Variants in ALG5 observed in about 807,000 individuals in gnomAD.
ALG5 encodes the protein dolichyl-phosphate beta-glucosyltransferase.
In ALG5, 26 loss-of-function variants were observed where a neutral mutation model predicts 51.8. The observed-to-expected ratio is 0.50, with a 90% CI of 0.37 to 0.70. The LOEUF (loss-of-function observed/expected upper bound fraction) is 0.70, where lower values mean the gene tolerates loss of function less well. ALG5 is among the 30% of genes least tolerant of loss of function. The probability of loss-of-function intolerance (pLI) is 0.00; values close to 1 mark genes in which losing one functional copy is unlikely to be tolerated. For missense variants in ALG5, 311 were observed against 399.3 expected (o/e 0.78, Z 1.88); for synonymous variants, 141 against 136.1 (o/e 1.04, Z -0.25).
intron 6 of ALG5, among the ~76,000 whole-genome samples, chr13:36,982,571 T>C (rs1040617498): frequency 6.6e-6 from 1 of 152,210 alleles, no homozygotes; most frequent in African/African-American, 2.4e-5. Flanking sequence ...AGCTGAAATA[T>C]TTACTATATG....
At chr13:36,956,682 G>A (rs945473456) in intron 8 of ALG5, among the ~76,000 whole-genome samples, 2 of 152,078 alleles carry the variant, frequency 1.3e-5, no homozygotes, top group African/African-American at 4.8e-5. Context: ...CCCCTTGTAT[G>A]GGAACTCTGT....
intron 7 of ALG5, among the ~76,000 whole-genome samples, chr13:36,970,278 TAGAA>T (rs1222621303): frequency 6.6e-6 from 1 of 151,980 alleles, no homozygotes; most frequent in Non-Finnish European, 1.5e-5. Flanking sequence ...CTAGGATACA[TAGAA>T]TACTAGACTA....
chr13:36,984,715 G>C (rs543180737), intron 6 of ALG5, among the ~76,000 whole-genome samples: 58 of 152,126 alleles, frequency 3.8e-4, no homozygotes, highest in Non-Finnish European at 7.4e-4. Context: ...CAAGGCCTGA[G>C]TATTATATCT....
intron 7 of ALG5, chr13:36,968,192 T>C (rs1445098452): frequency 1.3e-5 from 2 of 157,604 alleles, no homozygotes; most frequent in African/African-American, 2.4e-5. Context: ...TTTAGTTAAG[T>C]GAAGCTACTA....
rs969536884 is a variant in ALG5 at position 36,966,980 on chromosome 13, T to A, written c.622-1254A>T. 3.3e-5 allele frequency among the ~76,000 whole-genome samples: 5 copies of A among 152,086 alleles called. No homozygotes were observed. In the East Asian group the frequency reaches 7.7e-4, roughly 24 times the overall value. On this transcript the variant is annotated intron_variant, in intron 7 of 9. Transcript: ENST00000239891. ...GCTCACACCTGTAATCCCAGCACTCTGGGAGGCCGAGGCAGGTGGATTGCT... is the reference window on the plus strand; with the variant it reads ...GCTCACACCTGTAATCCCAGCACTCAGGGAGGCCGAGGCAGGTGGATTGCT...
Position 36,952,095 on chromosome 13 carries a change from A to T in ALG5, c.859+419T>A, listed in dbSNP as rs866329268. 2.2e-3 allele frequency among the ~76,000 whole-genome samples: 337 copies of T among 152,298 alleles called. 2 individuals are homozygous for T. Among genetic ancestry groups the T allele is most frequent in the African/African-American group, 7.5e-3 (313 of 41,550 alleles). On this transcript the variant is annotated intron_variant, in intron 9 of 9. Coordinates refer to ENST00000239891, the MANE Select transcript of ALG5 (RefSeq NM_013338.5). The stretch of plus-strand genomic sequence containing the variant: ...GGCATGGTGCTCGGCCATAAAAAAA[A>T]TTTTTATTTCTTATTTAGCTTTGCA...
chr13:36,995,877 TACAATAAAGGTCAGTC>T (rs1216840544), intron 1 of ALG5, among the ~76,000 whole-genome samples: 1 of 152,148 alleles, frequency 6.6e-6, no homozygotes, highest in Non-Finnish European at 1.5e-5. Context: ...CCATCCCAGC[TACAATAAAGGTCAGTC>T]ACTACAGGAA....
intron 4 of ALG5, among the ~76,000 whole-genome samples, chr13:36,993,361 C>A (rs751208255): frequency 2.0e-5 from 3 of 152,200 alleles, no homozygotes; most frequent in Admixed American, 6.5e-5. Flanking sequence ...GGTTCCTACC[C>A]TAAAGGCCAG....
At position 36,987,957 on chromosome 13, in the gene ALG5, C is replaced by T. The variant is rs146005759; in HGVS notation, c.447+1527G>A. 2.6e-5 allele frequency among the ~76,000 whole-genome samples: 4 copies of T among 152,314 alleles called. No individual in the cohort carries two copies. In the East Asian group the frequency reaches 7.7e-4, roughly 29 times the overall value. On this transcript the variant is annotated intron_variant, in intron 5 of 9. Coordinates refer to ENST00000239891, the MANE Select transcript of ALG5 (RefSeq NM_013338.5). ...TGTGACCTTAACTCACCCACCGCTC[C>T]AGCCTTATCTCCAGTCAAGACGTGG...
At chr13:36,993,007 CAGG>C (rs1036921166) in intron 4 of ALG5, among the ~76,000 whole-genome samples, 49 of 152,194 alleles carry the variant, frequency 3.2e-4, no homozygotes, top group African/African-American at 1.1e-3. Context: ...AAGTGCTCCT[CAGG>C]AGAAGATGCA....
At chr13:36,984,691 C>T (rs2058994367) in intron 6 of ALG5, among the ~76,000 whole-genome samples, 1 of 152,126 alleles carries the variant, frequency 6.6e-6, no homozygotes, top group Non-Finnish European at 1.5e-5. Context: ...TCTTCCCCCT[C>T]TAAACTAGAA....
intron 9 of ALG5, among the ~76,000 whole-genome samples, 153 bp from the exon 10 acceptor site, chr13:36,950,210 G>T (rs2058812290): frequency 2.0e-5 from 3 of 152,188 alleles, no homozygotes; most frequent in Non-Finnish European, 4.4e-5. Context: ...CAAAGCTGAA[G>T]TGAGTGGAGT....
At chr13:36,989,989 T>C (rs755964639) in intron 4 of ALG5, among the ~76,000 whole-genome samples, 1 of 152,226 alleles carries the variant, frequency 6.6e-6, no homozygotes, top group Non-Finnish European at 1.5e-5. Flanking sequence ...TGGTCTGCAA[T>C]CGCTCTTATT....
intron 7 of ALG5, among the ~76,000 whole-genome samples, chr13:36,970,014 A>G (rs949867265): frequency 2.7e-5 from 4 of 150,136 alleles, no homozygotes; most frequent in African/African-American, 7.3e-5. Flanking sequence ...TTAGTATTTA[A>G]TAGTTTCTAC....
At chr13:36,979,674 G>A (rs1292737283) in intron 6 of ALG5, among the ~76,000 whole-genome samples, 2 of 152,040 alleles carry the variant, frequency 1.3e-5, no homozygotes, top group African/African-American at 2.4e-5. Flanking sequence ...ATTTTTCTCC[G>A]TATCTTTTTC....
chr13:36,959,608 G>C (rs1206937776), intron 8 of ALG5, among the ~76,000 whole-genome samples: 1 of 152,070 alleles, frequency 6.6e-6, no homozygotes, highest in Admixed American at 6.6e-5. Flanking sequence ...AACAACATGC[G>C]AAGAGTCAAG....
chr13:36,973,667 G>A (rs1042662450), intron 6 of ALG5, among the ~76,000 whole-genome samples: 4 of 152,080 alleles, frequency 2.6e-5, no homozygotes, highest in African/African-American at 9.7e-5. Context: ...AAAACTGGGG[G>A]AAAATATTGG....
rs753912309 is a variant in ALG5 at position 36,985,645 on chromosome 13, A to T, written c.543T>A (p.Asn181Lys). 4 of 1,613,334 alleles carry T rather than the reference A, an allele frequency of 2.5e-6. No individual in the cohort carries two copies. The highest frequency in any genetic ancestry group is 3.4e-6 in the Non-Finnish European group (4 of 1,179,626). Residue 181 changes from asparagine (N) to lysine (K), a missense_variant, in exon 6 of 10, where the codon AAT (asparagine) becomes AAA (lysine). Asn to Lys is a moderately conservative substitution (Grantham distance 94). Transcript: ENST00000239891. ...PDVEKLEKGL[N>K]DLQPWPNQMA... Reference sequence around the variant, plus strand: ...TACTCACAGGCCAAGGCTGTAGATCATTTAGCCCCTTTTCTAATTTCTCAA... The same window carrying T: ...TACTCACAGGCCAAGGCTGTAGATCTTTTAGCCCCTTTTCTAATTTCTCAA...
intron 8 of ALG5, among the ~76,000 whole-genome samples, chr13:36,960,871 C>T (rs2058863220): frequency 1.3e-5 from 2 of 151,784 alleles, no homozygotes; most frequent in South Asian, 2.1e-4. Context: ...TCTTGAACTC[C>T]TGGGCCCAAA....
Sources: gnomAD v4.1 joint callset for allele counts (sites outside exome capture counted in the v4.1 genomes callset) on GRCh38, gnomAD v4.1.1 for gene constraint, MANE v1.5 for transcripts, NCBI Gene and HGNC (gene_info 2026-07-23, HGNC 2026-07-21) for gene names.